The following CMC1 variants were observed in gnomAD, a reference collection of about 807,000 sequenced individuals.
The protein encoded by CMC1 is C-X9-C motif containing 1.
A neutral mutation model predicts 14.1 loss-of-function variants in CMC1; 14 were observed. That is an observed-to-expected ratio of 0.99 (90% CI 0.66 to 1.55). The LOEUF (loss-of-function observed/expected upper bound fraction) is 1.55. Ranked by LOEUF, CMC1 falls within the 40% of genes most tolerant of loss-of-function variation. The pLI, the probability that CMC1 is intolerant of heterozygous loss-of-function variation, is 0.00. For missense variants in CMC1, 127 were observed against 123.8 expected (o/e 1.03, Z -0.12); for synonymous variants, 50 against 38.4 (o/e 1.30, Z -1.12).
chr3:28,290,123 C>T (rs1325129147), intron 2 of CMC1, among the ~76,000 whole-genome samples: 3 of 152,112 alleles, frequency 2.0e-5, no homozygotes, highest in African/African-American at 7.2e-5. Context: ...CTTCCCCCAC[C>T]TTTTCTCTTT....
intron 2 of CMC1, among the ~76,000 whole-genome samples, chr3:28,308,014 C>G (rs1278572601): frequency 6.6e-6 from 1 of 152,148 alleles, no homozygotes; most frequent in Non-Finnish European, 1.5e-5. Flanking sequence ...CTCTTTTCTC[C>G]TGTTCTCTTC....
intron 1 of CMC1, among the ~76,000 whole-genome samples, chr3:28,256,224 C>G (rs576290222): frequency 6.7e-6 from 1 of 149,974 alleles, no homozygotes; most frequent in African/African-American, 2.5e-5. Context: ...TATATGTATA[C>G]GTGTCAAGAG....
chr3:28,283,123 G>A (rs1700981924), intron 2 of CMC1, among the ~76,000 whole-genome samples: 1 of 152,156 alleles, frequency 6.6e-6, no homozygotes, highest in Admixed American at 6.5e-5. Context: ...GTGATGGGCA[G>A]AATCTTTATG....
chr3:28,251,699 A>G (rs1020681356), intron 1 of CMC1, among the ~76,000 whole-genome samples: 2 of 152,220 alleles, frequency 1.3e-5, no homozygotes, highest in Non-Finnish European at 2.9e-5. Context: ...AAAGTATTAT[A>G]TTTTCTTTAT....
chr3:28,243,487 A>C (rs1247005432), intron 1 of CMC1, among the ~76,000 whole-genome samples: 4 of 152,212 alleles, frequency 2.6e-5, no homozygotes, highest in Non-Finnish European at 5.9e-5. Context: ...ATTTGGGAAA[A>C]AAGTCTTCAT....
At chr3:28,285,270 A>T (rs944254980) in intron 2 of CMC1, among the ~76,000 whole-genome samples, 1 of 152,090 alleles carries the variant, frequency 6.6e-6, no homozygotes, top group African/African-American at 2.4e-5. Context: ...TCTGCTGGGG[A>T]GGAAGGACTT....
At position 28,324,864 on chromosome 3, in the gene CMC1, G is replaced by A. The variant is rs1703325030; in HGVS notation, c.*5235G>A. On this transcript the variant is annotated 3_prime_UTR_variant, in exon 4 of 4. Coordinates refer to ENST00000466830, the MANE Select transcript of CMC1 (RefSeq NM_182523.2). ...GAGAAGGATTGCAGACTGTTCACATGTCAGTGGGGACTGAGACAGTTCTTA... is the reference window on the plus strand; with the variant it reads ...GAGAAGGATTGCAGACTGTTCACATATCAGTGGGGACTGAGACAGTTCTTA... 6.5e-6 allele frequency: 1 copy of A among 154,768 alleles called. No individual in the cohort carries two copies. Among genetic ancestry groups the A allele is most frequent in the South Asian group, 2.1e-4 (1 of 4,870 alleles). 9.6% of individuals were successfully genotyped at this position (154,768 alleles called of 1,614,324 possible).
intron 3 of CMC1, 79 bp from the exon 4 acceptor site, chr3:28,319,430 A>G (rs1180115716): frequency 8.1e-7 from 1 of 1,239,112 alleles, no homozygotes; most frequent in African/African-American, 1.5e-5. Flanking sequence ...AGATGTCTGA[A>G]TATTAGTAAT....
chr3:28,276,059 A>C (rs1167429122), intron 2 of CMC1, among the ~76,000 whole-genome samples: 2 of 152,146 alleles, frequency 1.3e-5, no homozygotes, highest in Non-Finnish European at 2.9e-5. Context: ...CATCATCTGC[A>C]GTGATGGCAG....
At chr3:28,246,404 A>G (rs1317113959) in intron 1 of CMC1, among the ~76,000 whole-genome samples, 1 of 152,214 alleles carries the variant, frequency 6.6e-6, no homozygotes, top group African/African-American at 2.4e-5. Flanking sequence ...TTGGGATTTC[A>G]GTTTTGAAGC....
chr3:28,270,124 G>A (rs1000748015), intron 2 of CMC1, among the ~76,000 whole-genome samples: 38 of 152,294 alleles, frequency 2.5e-4, no homozygotes, highest in African/African-American at 8.2e-4. Flanking sequence ...ATTCCATGGT[G>A]TATATGTGCC....
intron 1 of CMC1, among the ~76,000 whole-genome samples, chr3:28,258,614 A>C (rs1168997662): frequency 1.0e-5 from 1 of 99,128 alleles, no homozygotes; most frequent in Non-Finnish European, 2.0e-5. Flanking sequence ...GTATTTCTGG[A>C]TTTTTTTTTT....
intron 2 of CMC1, among the ~76,000 whole-genome samples, chr3:28,293,937 A>G (rs1384379362): frequency 2.0e-5 from 3 of 152,046 alleles, no homozygotes; most frequent in East Asian, 1.9e-4. Context: ...AATCTTTGTT[A>G]ACTGTCTTCC....
At chr3:28,258,245 G>A (rs1158557889) in intron 1 of CMC1, among the ~76,000 whole-genome samples, 1 of 150,876 alleles carries the variant, frequency 6.6e-6, no homozygotes, top group African/African-American at 2.4e-5. Context: ...CTGGTCTGTG[G>A]CATGCCTTTT....
In CMC1 at chr3:28,324,164, T is replaced by G. The variant is rs1413127713; in HGVS notation, c.*4535T>G. On this transcript the variant is annotated 3_prime_UTR_variant, in exon 4 of 4. Transcript: ENST00000466830. ...GCTGTCTCACTTGATTTAGGAGGAC[T>G]TGGAAATACCCAGGAATTGTCTTCC... is the stretch of plus-strand genomic sequence containing the variant. 3 of 1,610,652 alleles carry G rather than the reference T, an allele frequency of 1.9e-6. No individual in the cohort carries two copies. The African/African-American group carries it at 4.0e-5, about 22-fold the overall frequency.
intron 2 of CMC1, among the ~76,000 whole-genome samples, chr3:28,310,439 A>G (rs1264390715): frequency 6.6e-6 from 1 of 152,216 alleles, no homozygotes; most frequent in Non-Finnish European, 1.5e-5. Context: ...AAATATTGTA[A>G]TTTATTGAAT....
At chr3:28,310,782 A>G (rs1408734132) in intron 2 of CMC1, among the ~76,000 whole-genome samples, 4 of 152,180 alleles carry the variant, frequency 2.6e-5, no homozygotes, top group East Asian at 1.9e-4. Flanking sequence ...CCAGGGATCA[A>G]TTTTGTGGAA....
rs1703283694 is a variant in CMC1 at position 28,324,036 on chromosome 3, T to A, written c.*4407T>A. 1.9e-6 allele frequency: 3 copies of A among 1,596,982 alleles called. No individual in the cohort carries two copies. The African/African-American group carries it at 4.0e-5, about 22-fold the overall frequency. On this transcript the variant is annotated 3_prime_UTR_variant, in exon 4 of 4. Transcript: ENST00000466830. ...CCTCATGGTGAAATCGTGAATCTCTTCCAAATTAATTCTTATAAAGGCAGT... is the reference window on the plus strand; with the variant it reads ...CCTCATGGTGAAATCGTGAATCTCTACCAAATTAATTCTTATAAAGGCAGT...
intron 1 of CMC1, among the ~76,000 whole-genome samples, chr3:28,246,099 G>C (rs1466422216): frequency 1.3e-5 from 2 of 151,618 alleles, no homozygotes; most frequent in African/African-American, 2.4e-5. Flanking sequence ...CACCCTGCCT[G>C]GCCTATAAGA....
Sources: gnomAD v4.1 joint callset for allele counts (sites outside exome capture counted in the v4.1 genomes callset) on GRCh38, gnomAD v4.1.1 for gene constraint, MANE v1.5 for transcripts, NCBI Gene and HGNC (gene_info 2026-07-23, HGNC 2026-07-21) for gene names.